Variants in DHRSX observed in about 807,000 individuals in gnomAD.
DHRSX encodes dehydrogenase/reductase X-linked, also known as polyprenol dehydrogenase.
Under a neutral mutation model 34.0 loss-of-function variants are expected in DHRSX, and 31 were observed. The observed-to-expected ratio is 0.91, with a 90% CI of 0.69 to 1.23. DHRSX has a LOEUF of 1.23. Ranked by LOEUF, DHRSX falls within the 50% of genes most tolerant of loss-of-function variation. The pLI, the probability that DHRSX is intolerant of heterozygous loss-of-function variation, is 0.00. For synonymous variants in DHRSX, 201 were observed against 183.8 expected, an observed-to-expected ratio of 1.09 and a Z score of -0.76; for missense variants, 414 against 428.1, an observed-to-expected ratio of 0.97 and a Z score of 0.29.
chrX:2,425,284 G>A lies in DHRSX; in HGVS notation c.130C>T (p.Arg44Cys), dbSNP rs145946957. ...LEPVFPPRPD[R>C]VAIVTGGTDG... ...GTCCCTCCCGTCACTATAGCGACAC[G>A]GTCAGGTCGTGGGGGGAAAACTGAA... Residue 44 changes from arginine to cysteine, a missense_variant, in exon 2 of 7, where the codon CGT becomes TGT. Coordinates refer to ENST00000334651, the MANE Select transcript of DHRSX (RefSeq NM_145177.3). The A allele has an allele frequency of 8.9e-5, 143 of 1,613,812 alleles. No individual in the cohort carries two copies. Among genetic ancestry groups the A allele is most frequent in the Admixed American group, 6.7e-4 (40 of 59,982 alleles).
intron 4 of DHRSX, among the ~76,000 whole-genome samples, chrX:2,283,930 A>G (rs759410874): frequency 1.3e-4 from 3 of 23,252 alleles, no homozygotes; most frequent in African/African-American, 2.6e-4. Context: ...CTTTGAATTC[A>G]CTCATTCCTT....
Position 2,266,925 on chromosome X carries a change from C to T in DHRSX, c.411G>A (p.Gln137=). The T allele has an allele frequency of 1.2e-6, 2 of 1,613,964 alleles. No homozygotes were observed. Among genetic ancestry groups the T allele is most frequent in the Non-Finnish European group, 1.7e-6 (2 of 1,179,860 alleles). Residue 137 remains glutamine, a synonymous_variant, in exon 5 of 7, where the codon CAG becomes CAA. Transcript: ENST00000334651. ...INNAGVMMVP[Q]RKTRDGFEEH... ...CTTCGAATCCATCTCTGGTTTTCCT[C>T]TGAGGGACCATCATCACCCCAGCTG... is the stretch of plus-strand genomic sequence containing the variant.
intron 1 of DHRSX, among the ~76,000 whole-genome samples, chrX:2,443,603 C>T (rs2044089498): frequency 6.6e-6 from 1 of 152,072 alleles, no homozygotes; most frequent in South Asian, 2.1e-4. Flanking sequence ...TTATTTTTAA[C>T]TTGTATCACA....
chrX:2,322,555 C>CAAAAAA (rs752649879), intron 3 of DHRSX, among the ~76,000 whole-genome samples: 1 of 123,198 alleles, frequency 8.1e-6, no homozygotes, highest in African/African-American at 3.0e-5. Context: ...AACTCCATCT[C>CAAAAAA]AAAAAAAAAA....
At chrX:2,433,469 G>A (rs1301467288) in intron 1 of DHRSX, among the ~76,000 whole-genome samples, 1 of 151,792 alleles carries the variant, frequency 6.6e-6, no homozygotes, top group African/African-American at 2.4e-5. Context: ...CATGTGCCAC[G>A]GTGGTTTGCT....
intron 2 of DHRSX, among the ~76,000 whole-genome samples, chrX:2,411,283 C>A (rs151275168): frequency 0.015 from 2,302 of 152,070 alleles, 56 homozygotes; most frequent in African/African-American, 0.053. Flanking sequence ...GTGGCTCATG[C>A]CTGTAATCTC....
intron 1 of DHRSX, among the ~76,000 whole-genome samples, chrX:2,446,577 G>A (rs1299398179): frequency 6.6e-6 from 1 of 151,990 alleles, no homozygotes; most frequent in Non-Finnish European, 1.5e-5. Flanking sequence ...CTAAGAATGC[G>A]GCCAAGGGAC....
intron 4 of DHRSX, among the ~76,000 whole-genome samples, chrX:2,290,839 A>G: frequency 6.6e-6 from 1 of 152,316 alleles, no homozygotes; most frequent in Middle Eastern, 3.4e-3. Flanking sequence ...ACTTTTATAA[A>G]AAATAAAATG....
chrX:2,387,903 G>GAAA (rs1416365259), intron 3 of DHRSX, among the ~76,000 whole-genome samples: 1 of 15,864 alleles, frequency 6.3e-5, no homozygotes, highest in African/African-American at 2.0e-4. Flanking sequence ...ACCCTCCCCT[G>GAAA]CAAAAAAAAA....
chrX:2,236,039 G>T (rs965281165), intron 6 of DHRSX, among the ~76,000 whole-genome samples: 2 of 151,980 alleles, frequency 1.3e-5, no homozygotes, highest in African/African-American at 4.8e-5. Flanking sequence ...TTGAACCTGG[G>T]ACGCAGGGGT....
chrX:2,338,187 G>C (rs1011872522), intron 3 of DHRSX, among the ~76,000 whole-genome samples: 3 of 151,620 alleles, frequency 2.0e-5, no homozygotes, highest in African/African-American at 7.3e-5. Context: ...GCAAAAATTA[G>C]CCAGGCATGG....
At chrX:2,373,904 T>TG (rs2043110211) in intron 3 of DHRSX, among the ~76,000 whole-genome samples, 1 of 151,024 alleles carries the variant, frequency 6.6e-6, no homozygotes, top group Admixed American at 6.6e-5. Context: ...GGTGAGAGAG[T>TG]GGGGGAAGAG....
intron 3 of DHRSX, among the ~76,000 whole-genome samples, chrX:2,401,997 C>T (rs1184109538): frequency 6.6e-6 from 1 of 152,138 alleles, no homozygotes; most frequent in Non-Finnish European, 1.5e-5. Context: ...AGGAGCACGA[C>T]TTCAAAGACA....
chrX:2,224,183 C>T (rs78370637), intron 6 of DHRSX, among the ~76,000 whole-genome samples: 3,938 of 152,318 alleles, frequency 0.026, 102 homozygotes, highest in African/African-American at 0.061. Context: ...CCCAAATACC[C>T]GACCTGTGTC....
chrX:2,464,845 A>G (rs1031509738), intron 1 of DHRSX, among the ~76,000 whole-genome samples: 1 of 152,052 alleles, frequency 6.6e-6, no homozygotes, highest in Non-Finnish European at 1.5e-5. Context: ...AACGGCCACC[A>G]TGTACACACT....
chrX:2,408,859 C>T (rs1367667096), intron 2 of DHRSX, 46 bp from the exon 3 acceptor site: 2 of 1,490,466 alleles, frequency 1.3e-6, no homozygotes, highest in Non-Finnish European at 1.8e-6. Context: ...GTAGGATTAT[C>T]CAGAAACTAT....
chrX:2,485,823 G>GA (rs199535452), intron 1 of DHRSX, among the ~76,000 whole-genome samples: 3 of 72,532 alleles, frequency 4.1e-5, no homozygotes, highest in South Asian at 5.4e-4. Context: ...AGAGAAGGAA[G>GA]GAAGGGAGAG....
intron 2 of DHRSX, 63 bp from the exon 3 acceptor site, chrX:2,408,876 C>CAAAA: frequency 1.9e-6 from 2 of 1,068,386 alleles, no homozygotes; most frequent in East Asian, 2.9e-5. Context: ...CTATTAACTG[C>CAAAA]AAAAAAAAAA....
chrX:2,308,599 T>A (rs1027822514), intron 3 of DHRSX, among the ~76,000 whole-genome samples: 4 of 152,184 alleles, frequency 2.6e-5, no homozygotes, highest in African/African-American at 9.7e-5. Context: ...CAGGGCTAAC[T>A]TGAAAATCAT....
Sources: gnomAD v4.1 joint callset for allele counts (sites outside exome capture counted in the v4.1 genomes callset) on GRCh38, gnomAD v4.1.1 for gene constraint, MANE v1.5 for transcripts, NCBI Gene and HGNC (gene_info 2026-07-23, HGNC 2026-07-21) for gene names.